The following VWA8 variants were observed in gnomAD, a reference collection of about 807,000 sequenced individuals.
VWA8 encodes the protein von Willebrand factor A domain-containing protein 8.
In VWA8, 221 loss-of-function variants were observed where a neutral mutation model predicts 241.5. The ratio of observed to expected loss-of-function variants is 0.91; its 90% CI spans 0.82 to 1.02. The LOEUF (loss-of-function observed/expected upper bound fraction) is 1.02. Ranked by LOEUF, VWA8 falls within the 50% of genes least tolerant of loss-of-function variation. The pLI is 0.00. For synonymous variants in VWA8, 852 were observed against 827.1 expected (o/e 1.03, Z -0.52); for missense variants, 2,322 against 2,328.7 (o/e 1.00, Z 0.06).
At chr13:41,580,578 G>C (rs772005943) in intron 42 of VWA8, among the ~76,000 whole-genome samples, 3 of 152,096 alleles carry the variant, frequency 2.0e-5, no homozygotes, top group Non-Finnish European at 4.4e-5. Flanking sequence ...TACCTCCCTT[G>C]GATGGTGAGG....
chr13:41,805,366 T>C (rs9532926), intron 17 of VWA8, among the ~76,000 whole-genome samples: 12,789 of 152,174 alleles, frequency 0.084, 552 homozygotes, highest in East Asian at 0.11. Flanking sequence ...AGCAAGAGCA[T>C]ATAACAATTT....
intron 17 of VWA8, among the ~76,000 whole-genome samples, chr13:41,796,916 C>A (rs1869729960): frequency 6.6e-6 from 1 of 152,010 alleles, no homozygotes; most frequent in African/African-American, 2.4e-5. Flanking sequence ...AATTTTCCAA[C>A]TAAATAGGCT....
intron 37 of VWA8, among the ~76,000 whole-genome samples, chr13:41,636,016 ACCT>A (rs2044754230): frequency 6.6e-6 from 1 of 152,168 alleles, no homozygotes. Flanking sequence ...ATCATAAAAT[ACCT>A]CATCTTAAAT....
chr13:41,575,928 T>G, intron 42 of VWA8, 90 bp from the exon 43 acceptor site: 3 of 919,578 alleles, frequency 3.3e-6, no homozygotes, highest in Non-Finnish European at 5.0e-6. Context: ...GGACCATTAT[T>G]GTCCAAAGTT....
chr13:41,863,584 AACAGTGG>A (rs1873148302), intron 12 of VWA8, among the ~76,000 whole-genome samples: 1 of 151,698 alleles, frequency 6.6e-6, no homozygotes, highest in Non-Finnish European at 1.5e-5. Context: ...GGTGCCCACC[AACAGTGG>A]ACTAGATGAA....
chr13:41,696,582 T>A (rs1272924094), intron 29 of VWA8, among the ~76,000 whole-genome samples: 1 of 152,220 alleles, frequency 6.6e-6, no homozygotes, highest in Non-Finnish European at 1.5e-5. Flanking sequence ...GCTATGTACT[T>A]GCCAGACAAG....
chr13:41,703,269 C>T (rs768090870), intron 27 of VWA8, 34 bp downstream of exon 27: 6 of 1,553,616 alleles, frequency 3.9e-6, no homozygotes, highest in Non-Finnish European at 5.3e-6. Flanking sequence ...TTATAAGGTT[C>T]AATATTTTAA....
At chr13:41,868,108 G>A (rs1018657398) in intron 10 of VWA8, among the ~76,000 whole-genome samples, 1 of 152,180 alleles carries the variant, frequency 6.6e-6, no homozygotes, top group East Asian at 1.9e-4. Flanking sequence ...TAATCAGCCT[G>A]TGACTTGATT....
chr13:41,841,893 G>A (rs1351269189), intron 12 of VWA8, among the ~76,000 whole-genome samples: 80 of 120,294 alleles, frequency 6.7e-4, no homozygotes, highest in African/African-American at 2.6e-3. Flanking sequence ...TTTCAATTGG[G>A]GTAAATAAGC....
At chr13:41,865,865 G>A (rs1272422839) in intron 11 of VWA8, 37 bp downstream of exon 11, 1 of 1,613,982 alleles carries the variant, frequency 6.2e-7, no homozygotes. Flanking sequence ...CCAAAAGCCA[G>A]GAAACTAAAA....
rs149763695 is a variant in VWA8 at position 41,833,566 on chromosome 13, G to C, written c.1426-35C>G. Reference sequence around the variant, plus strand: ...ATCCCCACCACCCAACAAAGAACATGACGAATTAATTTTTAAGACATGCAA... The same window carrying C: ...ATCCCCACCACCCAACAAAGAACATCACGAATTAATTTTTAAGACATGCAA... On this transcript the variant is annotated intron_variant, in intron 12 of 44. Transcript: ENST00000379310. 117 of 1,550,700 alleles carry C rather than the reference G, an allele frequency of 7.5e-5. 5 individuals carry two copies. The African/African-American group carries it at 1.5e-3, about 20-fold the overall frequency.
intron 26 of VWA8, among the ~76,000 whole-genome samples, chr13:41,713,532 A>G (rs140550582): frequency 4.6e-5 from 7 of 152,234 alleles, no homozygotes; most frequent in Non-Finnish European, 7.4e-5. Flanking sequence ...AAGAAAATGC[A>G]TAACAACAGG....
chr13:41,659,559 T>C (rs1046076863), intron 37 of VWA8, among the ~76,000 whole-genome samples: 1 of 152,178 alleles, frequency 6.6e-6, no homozygotes, highest in Non-Finnish European at 1.5e-5. Context: ...GAAAACAGTG[T>C]TCACAACTGG....
chr13:41,602,715 C>T (rs1015578663), intron 40 of VWA8, among the ~76,000 whole-genome samples: 3 of 152,108 alleles, frequency 2.0e-5, no homozygotes, highest in Non-Finnish European at 4.4e-5. Context: ...CATCTGAGTT[C>T]TTCACTAACA....
intron 4 of VWA8, among the ~76,000 whole-genome samples, chr13:41,892,613 C>T (rs1874898457): frequency 6.6e-6 from 1 of 152,148 alleles, no homozygotes; most frequent in Admixed American, 6.5e-5. Context: ...ATGCTAATGA[C>T]CCCCCAGAAT....
At chr13:41,912,801 C>T (rs576060648) in intron 2 of VWA8, among the ~76,000 whole-genome samples, 5 of 152,298 alleles carry the variant, frequency 3.3e-5, no homozygotes, top group Admixed American at 1.3e-4. Flanking sequence ...CCCCATGCAA[C>T]GCCCTTCCAG....
intron 17 of VWA8, among the ~76,000 whole-genome samples, chr13:41,799,309 C>T (rs1869843204): frequency 6.6e-6 from 1 of 152,122 alleles, no homozygotes; most frequent in Non-Finnish European, 1.5e-5. Context: ...TCTACTAAGC[C>T]TCCAAGTAAC....
chr13:41,670,333 G>T (rs2045013409), intron 37 of VWA8, among the ~76,000 whole-genome samples: 1 of 151,230 alleles, frequency 6.6e-6, no homozygotes, highest in Non-Finnish European at 1.5e-5. Context: ...CAACTAGATT[G>T]ATTAGATGAT....
At chr13:41,690,484 A>G (rs1452047736) in intron 32 of VWA8, among the ~76,000 whole-genome samples, 1 of 152,114 alleles carries the variant, frequency 6.6e-6, no homozygotes, top group African/African-American at 2.4e-5. Flanking sequence ...AATGAATGTG[A>G]GGCAAAAATC....
Sources: gnomAD v4.1 joint callset for allele counts (sites outside exome capture counted in the v4.1 genomes callset) on GRCh38, gnomAD v4.1.1 for gene constraint, MANE v1.5 for transcripts, NCBI Gene and HGNC (gene_info 2026-07-23, HGNC 2026-07-21) for gene names.